Variants in FRMD6 observed in about 807,000 individuals in gnomAD.
FRMD6 encodes FERM domain-containing protein 6.
In FRMD6, 37 loss-of-function variants were observed where a neutral mutation model predicts 73.2. The observed-to-expected ratio is 0.51, with a 90% CI of 0.39 to 0.66. FRMD6 has a LOEUF of 0.66. Among genes scored for constraint, FRMD6 ranks in the 30% least tolerant of loss-of-function variants. FRMD6 has a pLI of 0.00. For synonymous variants in FRMD6, 273 were observed against 282.2 expected, an observed-to-expected ratio of 0.97 and a Z score of 0.33; for missense variants, 714 against 780.5, an observed-to-expected ratio of 0.91 and a Z score of 1.02.
chr14:51,542,827 G>A (rs921652386), intron 1 of FRMD6, among the ~76,000 whole-genome samples: 12 of 151,972 alleles, frequency 7.9e-5, no homozygotes, highest in South Asian at 2.1e-4. Context: ...GTGTGAAGTC[G>A]TATATGACTA....
chr14:51,636,365 T>C (rs1891561173), intron 2 of FRMD6, among the ~76,000 whole-genome samples: 1 of 152,204 alleles, frequency 6.6e-6, no homozygotes, highest in African/African-American at 2.4e-5. Context: ...TAGCATCCAA[T>C]GGAGTTGCTT....
intron 2 of FRMD6, among the ~76,000 whole-genome samples, chr14:51,591,785 C>T (rs1435032701): frequency 6.6e-6 from 1 of 152,212 alleles, no homozygotes; most frequent in Non-Finnish European, 1.5e-5. Flanking sequence ...TCGTGATCCA[C>T]CCTCCTTGGC....
chr14:51,537,169 G>T (rs1368032323), intron 1 of FRMD6, among the ~76,000 whole-genome samples: 1 of 152,156 alleles, frequency 6.6e-6, no homozygotes, highest in Non-Finnish European at 1.5e-5. Flanking sequence ...ACCCTTTAGT[G>T]CTTTTCCTAT....
the FRMD6 span, among the ~76,000 whole-genome samples, chr14:51,402,368 G>T: frequency 6.6e-6 from 1 of 152,148 alleles, no homozygotes; most frequent in Non-Finnish European, 1.5e-5. Flanking sequence ...GTTGTAGAGA[G>T]ACCCAGTGGG....
intron 1 of FRMD6, among the ~76,000 whole-genome samples, chr14:51,667,204 A>G (rs1893663443): frequency 6.6e-6 from 1 of 152,174 alleles, no homozygotes; most frequent in Admixed American, 6.5e-5. Flanking sequence ...ATGAAACTAT[A>G]ATTATTTCAA....
At chr14:51,559,068 G>A (rs765720916) in intron 1 of FRMD6, among the ~76,000 whole-genome samples, 1 of 152,160 alleles carries the variant, frequency 6.6e-6, no homozygotes, top group Non-Finnish European at 1.5e-5. Flanking sequence ...GAAACATTTT[G>A]TTGCCACATT....
chr14:51,680,136 A>G (rs911950861), intron 1 of FRMD6, among the ~76,000 whole-genome samples: 1 of 152,170 alleles, frequency 6.6e-6, no homozygotes, highest in East Asian at 1.9e-4. Flanking sequence ...AGGCTTTCCA[A>G]CTGAAGAAAA....
intron 1 of FRMD6, among the ~76,000 whole-genome samples, chr14:51,552,877 G>A (rs1390386396): frequency 1.3e-5 from 2 of 152,154 alleles, no homozygotes; most frequent in African/African-American, 2.4e-5. Flanking sequence ...TTCCTCAAGG[G>A]TGCGACACGT....
intron 2 of FRMD6, among the ~76,000 whole-genome samples, chr14:51,611,114 C>T (rs1244796085): frequency 6.6e-6 from 1 of 152,084 alleles, no homozygotes; most frequent in African/African-American, 2.4e-5. Context: ...GGTCTCTGAG[C>T]AGGATCTCCA....
chr14:51,509,746 C>A (rs1271076271), intron 1 of FRMD6, among the ~76,000 whole-genome samples: 2 of 151,946 alleles, frequency 1.3e-5, no homozygotes, highest in Non-Finnish European at 2.9e-5. Flanking sequence ...CCTGCCTCAG[C>A]CTTTTGGGTA....
At chr14:51,417,587 T>A in the FRMD6 span, among the ~76,000 whole-genome samples, 1 of 152,226 alleles carries the variant, frequency 6.6e-6, no homozygotes, top group Non-Finnish European at 1.5e-5. Flanking sequence ...CCTTAACATT[T>A]TTTCCTTCAT....
At chr14:51,705,716 T>C (rs1896586566) in intron 6 of FRMD6, among the ~76,000 whole-genome samples, 1 of 152,138 alleles carries the variant, frequency 6.6e-6, no homozygotes, top group African/African-American at 2.4e-5. Context: ...CCTCAAGCCA[T>C]TTCCATCTGC....
chr14:51,467,725 A>G, the FRMD6 span, among the ~76,000 whole-genome samples: 1 of 149,560 alleles, frequency 6.7e-6, no homozygotes, highest in Non-Finnish European at 1.5e-5. Context: ...CCCACATCCC[A>G]GACGATGGGT....
chr14:51,646,194 T>C (rs1342009998), intron 2 of FRMD6, among the ~76,000 whole-genome samples: 1 of 151,534 alleles, frequency 6.6e-6, no homozygotes, highest in African/African-American at 2.4e-5. Flanking sequence ...GGCACGCGCC[T>C]GTAGTCTCGG....
chr14:51,633,832 T>C (rs1270412054), intron 2 of FRMD6, among the ~76,000 whole-genome samples: 3 of 152,338 alleles, frequency 2.0e-5, no homozygotes, highest in East Asian at 1.9e-4. Flanking sequence ...ACTAAATTAC[T>C]ATCAAATTTC....
At chr14:51,623,367 G>A (rs1429710094) in intron 2 of FRMD6, among the ~76,000 whole-genome samples, 2 of 152,108 alleles carry the variant, frequency 1.3e-5, no homozygotes, top group African/African-American at 4.8e-5. Context: ...TCAAAGAAGT[G>A]GCCTTTAAAA....
At chr14:51,568,125 A>G (rs1332865222) in intron 1 of FRMD6, among the ~76,000 whole-genome samples, 1 of 152,242 alleles carries the variant, frequency 6.6e-6, no homozygotes, top group Non-Finnish European at 1.5e-5. Context: ...GAGTTCATTT[A>G]TGTCTTTTCT....
chr14:51,487,489 G>T (rs181222457), upstream of FRMD6, among the ~76,000 whole-genome samples: 2 of 152,148 alleles, frequency 1.3e-5, no homozygotes, highest in African/African-American at 4.8e-5. Flanking sequence ...CTGGATTAAG[G>T]CCTGAGGTCC....
intron 1 of FRMD6, among the ~76,000 whole-genome samples, chr14:51,544,677 G>GT (rs59649652): frequency 2.4e-3 from 359 of 147,728 alleles, no homozygotes; most frequent in African/African-American, 7.7e-3. Flanking sequence ...ACTGTTTACA[G>GT]TTTTTTTTTT....
Sources: gnomAD v4.1 joint callset for allele counts (sites outside exome capture counted in the v4.1 genomes callset) on GRCh38, gnomAD v4.1.1 for gene constraint, MANE v1.5 for transcripts, NCBI Gene and HGNC (gene_info 2026-07-23, HGNC 2026-07-21) for gene names.